GPR18: variants seen among roughly 807,000 people sequenced by gnomAD.
GPR18 encodes G protein-coupled receptor 18, also known as N-arachidonyl glycine receptor.
In GPR18, 20 loss-of-function variants were observed where a neutral mutation model predicts 22.8. The observed-to-expected ratio is 0.88, with a 90% CI of 0.62 to 1.28. The LOEUF (loss-of-function observed/expected upper bound fraction) is 1.28, where lower values mean the gene tolerates loss of function less well. Ranked by LOEUF, GPR18 falls within the 50% of genes most tolerant of loss-of-function variation. The pLI is 0.00. For synonymous variants in GPR18, 160 were observed against 155.3 expected (o/e 1.03, Z -0.22); for missense variants, 379 against 412.0 (o/e 0.92, Z 0.69).
In GPR18 at chr13:99,255,261, A is replaced by C; in HGVS notation, c.612T>G (p.Ile204Met). 6.2e-7 allele frequency: 1 copy of C among 1,614,148 alleles called. No individual in the cohort carries two copies. The highest frequency in any genetic ancestry group is 8.5e-7 in the Non-Finnish European group (1 of 1,180,028). ...FFFLIPLFIM[I>M]GCYLVIIHNL... ...TATGAATAATGACCAAGTAGCACCC[A>C]ATCATGATGAACAAAGGAATCAAGA... Residue 204 changes from isoleucine to methionine, a missense_variant, in exon 2 of 2, where the codon ATT (isoleucine) becomes ATG (methionine). Ile to Met is a conservative substitution (Grantham distance 10, BLOSUM62 1). Transcript: ENST00000397470.
chr13:99,255,829 C>T lies in GPR18; in HGVS notation c.44G>A (p.Ser15Asn). 1 of 1,603,700 alleles carries T rather than the reference C, an allele frequency of 6.2e-7. No individual in the cohort carries two copies. The highest frequency in any genetic ancestry group is 1.1e-5 in the South Asian group (1 of 89,584). The change falls in exon 2 of 2, where the codon AGC (serine) becomes AAC (asparagine). Residue 15 changes from serine to asparagine, a missense_variant. Transcript: ENST00000397470. The stretch of plus-strand genomic sequence containing the variant: ...AATTTTGTATTCATCTGGATGTGAG[C>T]TGTTAAAAGGGACAGGTTGATCTTG... Reference protein sequence around the residue: ...NNQDQPVPFNSSHPDEYKIAA... With the variant: ...NNQDQPVPFNNSHPDEYKIAA...
At position 99,254,925 on chromosome 13, in the gene GPR18, T is replaced by G; in HGVS notation, c.948A>C (p.Arg316=). Residue 316 remains arginine (R), a synonymous_variant, in exon 2 of 2, where the codon CGA becomes CGC. Transcript: ENST00000397470. The part of the protein sequence containing the change: ...YLRSMRRKSF[R]SGSLRSLSNI... ...TGCTTAGTGACCGTAGACTACCAGA[T>G]CGGAAACTTTTTCTGCGCATGCTTC... is the stretch of plus-strand genomic sequence containing the variant. 1 of 1,614,046 alleles carries G rather than the reference T, an allele frequency of 6.2e-7. No individual in the cohort carries two copies. Among genetic ancestry groups the G allele is most frequent in the Non-Finnish European group, 8.5e-7 (1 of 1,179,992 alleles).
rs775445604 is a variant in GPR18, at chr13:99,255,477, A to G, written c.396T>C (p.Leu132=). ...AIVQPKYAKE[L]KNTCKAVLAC... ...CCAGCACGGCTTTGCACGTGTTTTT[A>G]AGTTCTTTGGCGTACTTCGGCTGTA... The change falls in exon 2 of 2, where the codon CTT becomes CTC. Residue 132 remains leucine, a synonymous_variant. Coordinates refer to ENST00000397470, the MANE Select transcript of GPR18 (RefSeq NM_001098200.2). 1.2e-6 allele frequency: 2 copies of G among 1,613,988 alleles called. No homozygotes were observed. The highest frequency in any genetic ancestry group is 1.3e-5 in the African/African-American group (1 of 74,984).
In GPR18 at chr13:99,255,220, C is replaced by T; in HGVS notation, c.653G>A (p.Arg218Lys). The T allele has an allele frequency of 6.2e-7, 1 of 1,614,072 alleles. No individual in the cohort carries two copies. The highest frequency in any genetic ancestry group is 8.5e-7 in the Non-Finnish European group (1 of 1,180,024). ...GACTTTGGGTTTCAGCTTAGACGTC[C>T]TGCCGTGAAGGAGATTATGAATAAT... ...LVIIHNLLHG[R>K]TSKLKPKVKE... The change falls in exon 2 of 2, where the codon AGG becomes AAG. Residue 218 changes from arginine to lysine, a missense_variant. Arg to Lys is a conservative substitution (Grantham distance 26). Coordinates refer to ENST00000397470, the MANE Select transcript of GPR18 (RefSeq NM_001098200.2).
At position 99,254,918 on chromosome 13, in the gene GPR18, T is replaced by C. The variant is rs759164125; in HGVS notation, c.955A>G (p.Ser319Gly). Reference sequence around the variant, plus strand: ...TTTATATTGCTTAGTGACCGTAGACTACCAGATCGGAAACTTTTTCTGCGC... The same window carrying C: ...TTTATATTGCTTAGTGACCGTAGACCACCAGATCGGAAACTTTTTCTGCGC... ...SMRRKSFRSG[S>G]LRSLSNINSE... The change falls in exon 2 of 2, where the codon AGT becomes GGT. Residue 319 changes from serine to glycine, a missense_variant. Coordinates refer to ENST00000397470, the MANE Select transcript of GPR18 (RefSeq NM_001098200.2). The C allele has an allele frequency of 1.2e-6, 2 of 1,614,000 alleles. No homozygotes were observed. The highest frequency in any genetic ancestry group is 1.7e-6 in the Non-Finnish European group (2 of 1,179,984).
rs776115198 is a variant in GPR18 at position 99,255,234 on chromosome 13, A to C, written c.639T>G (p.Asn213Lys). The C allele has an allele frequency of 2.5e-6, 4 of 1,614,092 alleles. No individual in the cohort carries two copies. The East Asian group carries it at 8.9e-5, about 36-fold the overall frequency. The change falls in exon 2 of 2, where the codon AAT becomes AAG. Residue 213 changes from asparagine (N) to lysine (K), a missense_variant. Physicochemically the swap from Asn to Lys is moderately conservative, Grantham distance 94. Coordinates refer to ENST00000397470, the MANE Select transcript of GPR18 (RefSeq NM_001098200.2). ...MIGCYLVIIHNLLHGRTSKLK... is the reference protein window; with the variant it reads ...MIGCYLVIIHKLLHGRTSKLK... Reference sequence around the variant, plus strand: ...GCTTAGACGTCCTGCCGTGAAGGAGATTATGAATAATGACCAAGTAGCACC... The same window carrying C: ...GCTTAGACGTCCTGCCGTGAAGGAGCTTATGAATAATGACCAAGTAGCACC...
At chr13:99,257,406 G>A (rs2043583254) in intron 1 of GPR18, among the ~76,000 whole-genome samples, 1 of 151,998 alleles carries the variant, frequency 6.6e-6, no homozygotes, top group Admixed American at 6.6e-5. Flanking sequence ...TATTGCATCA[G>A]GACTCCCTTC....
Position 99,255,335 on chromosome 13 carries a change from AGAT to A in GPR18, c.535_537del (p.Ile179del), listed in dbSNP as rs1247593876. 1.2e-6 allele frequency: 2 copies of A among 1,614,068 alleles called. No individual in the cohort carries two copies. Among genetic ancestry groups the A allele is most frequent in the Admixed American group, 1.7e-5 (1 of 60,004 alleles). On this transcript the variant is annotated inframe_deletion, in exon 2 of 2. Coordinates refer to ENST00000397470, the MANE Select transcript of GPR18 (RefSeq NM_001098200.2). ...TTCAGCACGTTCACAGCTTTTAGAT[AGAT>A]GATGTCAGAAATCTTGAGGCAGGTG...
chr13:99,256,021 A>G (rs2043548881), intron 1 of GPR18, 115 bp from the exon 2 acceptor site: 3 of 672,936 alleles, frequency 4.5e-6, no homozygotes, highest in Non-Finnish European at 7.4e-6. Context: ...GCATTTAATC[A>G]AGGAACGATT....
chr13:99,255,217 G>A lies in GPR18; in HGVS notation c.656C>T (p.Thr219Met), dbSNP rs778649813. The A allele has an allele frequency of 2.0e-5, 33 of 1,614,066 alleles. No individual in the cohort carries two copies. Among genetic ancestry groups the A allele is most frequent in the African/African-American group, 6.7e-5 (5 of 74,994 alleles). Residue 219 changes from threonine (T) to methionine (M), a missense_variant, in exon 2 of 2, where the codon ACG (threonine) becomes ATG (methionine). Coordinates refer to ENST00000397470, the MANE Select transcript of GPR18 (RefSeq NM_001098200.2). ...VIIHNLLHGR[T>M]SKLKPKVKEK... ...CTTGACTTTGGGTTTCAGCTTAGACGTCCTGCCGTGAAGGAGATTATGAAT... is the reference window on the plus strand; with the variant it reads ...CTTGACTTTGGGTTTCAGCTTAGACATCCTGCCGTGAAGGAGATTATGAAT...
Position 99,255,641 on chromosome 13 carries a change from G to A in GPR18, c.232C>T (p.Arg78Ter), listed in dbSNP as rs766126078. 7 of 1,613,938 alleles carry A rather than the reference G, an allele frequency of 4.3e-6. No individual in the cohort carries two copies. Among genetic ancestry groups the A allele is most frequent in the South Asian group, 1.1e-5 (1 of 91,064 alleles). Residue 78 changes from arginine (R) to a stop codon, truncating the protein, a stop_gained, in exon 2 of 2, where the codon CGA (arginine) becomes TGA (stop). Coordinates refer to ENST00000397470, the MANE Select transcript of GPR18 (RefSeq NM_001098200.2). LOFTEE classifies it high-confidence loss of function. ...DLIFIMTLPF[R>*]MFYYAKDEWP... is the part of the protein sequence containing the mutation. ...TCATCTTTTGCATAATAAAACATTC[G>A]AAAGGGTAAAGTCATTATAAATATC...
chr13:99,255,778 A>T lies in GPR18; in HGVS notation c.95T>A (p.Ile32Asn), dbSNP rs533640164. 7.4e-6 allele frequency: 12 copies of T among 1,613,814 alleles called. No homozygotes were observed. In the East Asian group the frequency reaches 2.5e-4, roughly 33 times the overall value. The stretch of plus-strand genomic sequence containing the variant: ...GTTAACAAATAATCCAATTATGAAG[A>T]TACAGCTATAGAAGACAAGGGCTGC... ...KIAALVFYSC[I>N]FIIGLFVNIT... The change falls in exon 2 of 2, where the codon ATC (isoleucine) becomes AAC (asparagine). Residue 32 changes from isoleucine (I) to asparagine (N), a missense_variant. Physicochemically the swap from Ile to Asn is moderately radical, Grantham distance 149. Coordinates refer to ENST00000397470, the MANE Select transcript of GPR18 (RefSeq NM_001098200.2).
chr13:99,257,688 A>G (rs1447389292), intron 1 of GPR18, among the ~76,000 whole-genome samples: 3 of 152,212 alleles, frequency 2.0e-5, no homozygotes, highest in African/African-American at 7.2e-5. Flanking sequence ...TACCATGATT[A>G]TCTGTAGCTT....
chr13:99,255,172 A>G lies in GPR18; in HGVS notation c.701T>C (p.Ile234Thr), dbSNP rs750387704. 1 of 1,614,172 alleles carries G rather than the reference A, an allele frequency of 6.2e-7. No individual in the cohort carries two copies. The highest frequency in any genetic ancestry group is 8.5e-7 in the Non-Finnish European group (1 of 1,180,040). The change falls in exon 2 of 2, where the codon ATC (isoleucine) becomes ACC (threonine). Residue 234 changes from isoleucine to threonine, a missense_variant. Transcript: ENST00000397470. ...PKVKEKSIRI[I>T]ITLLVQVLVC... is the part of the protein sequence containing the mutation. ...GAGCACCTGCACCAGCAGCGTGATG[A>G]TGATCCTTATGGACTTCTCCTTGAC...
At chr13:99,257,408 AC>A (rs1277859648) in intron 1 of GPR18, among the ~76,000 whole-genome samples, 1 of 152,014 alleles carries the variant, frequency 6.6e-6, no homozygotes, top group Non-Finnish European at 1.5e-5. Flanking sequence ...TTGCATCAGG[AC>A]TCCCTTCACC....
intron 1 of GPR18, chr13:99,256,494 C>G (rs776873787): frequency 7.9e-5 from 12 of 152,120 alleles, no homozygotes; most frequent in Non-Finnish European, 1.6e-4. Flanking sequence ...AGCTGCTCTA[C>G]TTCAGTGGTT....
Position 99,255,076 on chromosome 13 carries a change from G to A in GPR18, c.797C>T (p.Pro266Leu). 6.2e-7 allele frequency: 1 copy of A among 1,614,056 alleles called. No homozygotes were observed. The highest frequency in any genetic ancestry group is 2.2e-5 in the East Asian group (1 of 44,870). Residue 266 changes from proline (P) to leucine (L), a missense_variant, in exon 2 of 2, where the codon CCC becomes CTC. Physicochemically the swap from Pro to Leu is moderately conservative, Grantham distance 98. Coordinates refer to ENST00000397470, the MANE Select transcript of GPR18 (RefSeq NM_001098200.2). Reference protein sequence around the residue: ...MLGTGENSYNPWGAFTTFLMN... With the variant: ...MLGTGENSYNLWGAFTTFLMN... Reference sequence around the variant, plus strand: ...GAGGAAGGTGGTAAAGGCTCCCCAGGGATTGTAACTGTTCTCCCCCGTTCC... The same window carrying A: ...GAGGAAGGTGGTAAAGGCTCCCCAGAGATTGTAACTGTTCTCCCCCGTTCC...
At chr13:99,257,200 T>C (rs532708259) in intron 1 of GPR18, among the ~76,000 whole-genome samples, 1 of 152,178 alleles carries the variant, frequency 6.6e-6, no homozygotes, top group African/African-American at 2.4e-5. Flanking sequence ...TATTAAATTT[T>C]CCAAATATTG....
Position 99,255,110 on chromosome 13 carries a change from G to C in GPR18, c.763C>G (p.Leu255Val). 6.2e-7 allele frequency: 1 copy of C among 1,614,118 alleles called. No individual in the cohort carries two copies. Among genetic ancestry groups the C allele is most frequent in the Non-Finnish European group, 8.5e-7 (1 of 1,180,022 alleles). Reference protein sequence around the residue: ...FMPFHICFAFLMLGTGENSYN... With the variant: ...FMPFHICFAFVMLGTGENSYN... The stretch of plus-strand genomic sequence containing the variant: ...CTGTTCTCCCCCGTTCCCAGCATCA[G>C]GAAAGCGAAACAGATGTGGAAGGGC... Residue 255 changes from leucine (L) to valine (V), a missense_variant, in exon 2 of 2, where the codon CTG becomes GTG. By Grantham distance (32) the Leu-to-Val change is conservative. Transcript: ENST00000397470.
Sources: allele counts gnomAD v4.1 joint callset (sites outside exome capture counted in the v4.1 genomes callset), GRCh38; gene constraint gnomAD v4.1.1; transcripts MANE v1.5; gene names NCBI Gene and HGNC (gene_info 2026-07-23, HGNC 2026-07-21).